Variants in GRM7 observed in about 807,000 individuals in gnomAD.
GRM7 encodes the protein metabotropic glutamate receptor 7.
Under a neutral mutation model 84.5 loss-of-function variants are expected in GRM7, and 35 were observed. The observed-to-expected ratio is 0.41, with a 90% CI of 0.32 to 0.55. GRM7 has a LOEUF of 0.55. Ranked by LOEUF, GRM7 falls within the 20% of genes least tolerant of loss-of-function variation. The probability of loss-of-function intolerance (pLI) is 0.19; values close to 1 mark genes in which losing one functional copy is unlikely to be tolerated. For synonymous variants in GRM7, 487 were observed against 455.1 expected, an observed-to-expected ratio of 1.07 and a Z score of -0.89; for missense variants, 1,003 against 1,194.6, an observed-to-expected ratio of 0.84 and a Z score of 2.36.
chr3:7,065,204 G>T (rs758114218), intron 1 of GRM7, among the ~76,000 whole-genome samples: 18 of 151,570 alleles, frequency 1.2e-4, no homozygotes, highest in Non-Finnish European at 8.9e-5. Context: ...TTAGGCACCA[G>T]CTATTTATCT....
chr3:7,536,801 C>G (rs1025437657), intron 7 of GRM7, among the ~76,000 whole-genome samples: 3 of 152,196 alleles, frequency 2.0e-5, no homozygotes, highest in African/African-American at 7.2e-5. Flanking sequence ...GTGACCAGCC[C>G]TTCAAGGTGC....
intron 1 of GRM7, among the ~76,000 whole-genome samples, chr3:7,053,112 T>C (rs971467219): frequency 9.9e-5 from 15 of 151,016 alleles, no homozygotes; most frequent in Admixed American, 3.3e-4. Context: ...TTGGAGTGTA[T>C]TGATATTTCA....
chr3:6,898,737 G>A (rs1696279144), intron 1 of GRM7, among the ~76,000 whole-genome samples: 1 of 151,780 alleles, frequency 6.6e-6, no homozygotes, highest in Non-Finnish European at 1.5e-5. Flanking sequence ...TACTCTGGAG[G>A]CGAAGGCAGG....
chr3:7,672,818 A>G (rs1318977181), intron 8 of GRM7, among the ~76,000 whole-genome samples: 2 of 151,876 alleles, frequency 1.3e-5, no homozygotes, highest in Non-Finnish European at 2.9e-5. Context: ...CGTGGTCTCG[A>G]TCTCCTGACC....
chr3:6,910,062 G>T (rs1265475389), intron 1 of GRM7, among the ~76,000 whole-genome samples: 3 of 151,962 alleles, frequency 2.0e-5, no homozygotes, highest in Non-Finnish European at 4.4e-5. Context: ...CCTCATTGGG[G>T]AGTTGGGCTG....
At chr3:7,301,156 T>C (rs562445181) in intron 3 of GRM7, among the ~76,000 whole-genome samples, 2 of 114,670 alleles carry the variant, frequency 1.7e-5, no homozygotes, top group South Asian at 2.9e-4. Flanking sequence ...TGGTCTTTGC[T>C]CACGATGTTT....
At position 7,203,446 on chromosome 3, in the gene GRM7, A is replaced by G. The variant is rs545052290; in HGVS notation, c.736+56778A>G. Among the ~76,000 whole-genome samples the G allele has an allele frequency of 2.0e-5, 3 of 152,262 alleles. No individual in the cohort carries two copies. In the South Asian group the frequency reaches 6.2e-4, roughly 32 times the overall value. On this transcript the variant is annotated intron_variant, in intron 2 of 9. Transcript: ENST00000357716. Reference sequence around the variant, plus strand: ...ATCGTGTACGTGTGTTTGTGTGTGTATATATAGATATAGATATATATCTCA... The same window carrying G: ...ATCGTGTACGTGTGTTTGTGTGTGTGTATATAGATATAGATATATATCTCA...
chr3:7,213,885 A>G (rs1696514050), intron 2 of GRM7, among the ~76,000 whole-genome samples: 2 of 152,176 alleles, frequency 1.3e-5, no homozygotes, highest in Non-Finnish European at 2.9e-5. Context: ...TGGGCAGCTC[A>G]CTGCAGCATC....
At chr3:7,187,801 C>T (rs138973142) in intron 2 of GRM7, among the ~76,000 whole-genome samples, 3 of 152,250 alleles carry the variant, frequency 2.0e-5, no homozygotes, top group Non-Finnish European at 2.9e-5. Flanking sequence ...GGTAAACTGA[C>T]ATGGCACACT....
At chr3:7,139,683 T>C (rs957180778) in intron 1 of GRM7, among the ~76,000 whole-genome samples, 6 of 152,018 alleles carry the variant, frequency 3.9e-5, no homozygotes, top group Non-Finnish European at 8.8e-5. Flanking sequence ...TCGATACAGC[T>C]GATTATAAAG....
chr3:7,091,250 G>A (rs2125008965), intron 1 of GRM7, among the ~76,000 whole-genome samples: 1 of 151,916 alleles, frequency 6.6e-6, no homozygotes, highest in Middle Eastern at 3.4e-3. Flanking sequence ...ATATGCTAGA[G>A]CAACCCATGA....
At chr3:7,232,436 C>G (rs1373399731) in intron 2 of GRM7, among the ~76,000 whole-genome samples, 1 of 152,106 alleles carries the variant, frequency 6.6e-6, no homozygotes. Flanking sequence ...CAAAGGCTCC[C>G]TTGTGGATCA....
intron 9 of GRM7, chr3:7,691,284 C>G (rs112891883): frequency 3.1e-6 from 4 of 1,282,328 alleles, no homozygotes. Context: ...TTGAGCTGAC[C>G]CAACACTTAG....
At chr3:7,634,470 C>CT (rs145705422) in intron 8 of GRM7, among the ~76,000 whole-genome samples, 18,323 of 83,710 alleles carry the variant, frequency 0.22, 1,674 homozygotes, top group African/African-American at 0.32. Flanking sequence ...CAACTTTGCA[C>CT]TTTTTTTCCA....
intron 1 of GRM7, among the ~76,000 whole-genome samples, chr3:6,994,228 G>T (rs1247100883): frequency 6.6e-6 from 1 of 152,136 alleles, no homozygotes; most frequent in Non-Finnish European, 1.5e-5. Flanking sequence ...GTTGGATTGT[G>T]CAATTATGTA....
chr3:7,428,529 C>G (rs574889676), intron 5 of GRM7, among the ~76,000 whole-genome samples: 28 of 152,240 alleles, frequency 1.8e-4, no homozygotes, highest in African/African-American at 5.1e-4. Context: ...TGAGTGCTTA[C>G]TCATGAAAAG....
intron 4 of GRM7, among the ~76,000 whole-genome samples, chr3:7,310,507 C>T (rs969539175): frequency 2.6e-5 from 4 of 152,086 alleles, no homozygotes; most frequent in Non-Finnish European, 5.9e-5. Flanking sequence ...TCTTGATTAC[C>T]TGCAATGGTC....
At position 7,333,219 on chromosome 3, in the gene GRM7, C is replaced by T. The variant is rs375061744; in HGVS notation, c.1033+26567C>T. Among the ~76,000 whole-genome samples, 58 of 152,306 alleles carry T rather than the reference C, an allele frequency of 3.8e-4. 1 individual carries two copies. In the South Asian group the frequency reaches 9.3e-3, roughly 24 times the overall value. On this transcript the variant is annotated intron_variant, in intron 4 of 9. Coordinates refer to ENST00000357716, the MANE Select transcript of GRM7 (RefSeq NM_000844.4). Reference sequence around the variant, plus strand: ...GAGAAAACCAGTGCACTAAGCAAAACTACACCCAAAGACTCCCACAGAGTC... The same window carrying T: ...GAGAAAACCAGTGCACTAAGCAAAATTACACCCAAAGACTCCCACAGAGTC...
At chr3:7,322,931 G>C (rs975555495) in intron 4 of GRM7, among the ~76,000 whole-genome samples, 12 of 151,818 alleles carry the variant, frequency 7.9e-5, no homozygotes, top group African/African-American at 2.9e-4. Context: ...CAGTGTCTCT[G>C]ATTGACTTCC....
Sources: gnomAD v4.1 joint callset for allele counts (sites outside exome capture counted in the v4.1 genomes callset) on GRCh38, gnomAD v4.1.1 for gene constraint, MANE v1.5 for transcripts, NCBI Gene and HGNC (gene_info 2026-07-23, HGNC 2026-07-21) for gene names.